ATP8B4: variants seen among roughly 807,000 people sequenced by gnomAD.
The protein encoded by ATP8B4 is probable phospholipid-transporting ATPase IM.
A neutral mutation model predicts 145.6 loss-of-function variants in ATP8B4; 133 were observed. That is an observed-to-expected ratio of 0.91 (90% CI 0.79 to 1.05). The LOEUF is 1.05. ATP8B4 is among the 50% of genes least tolerant of loss of function. The pLI, the probability that ATP8B4 is intolerant of heterozygous loss-of-function variation, is 0.00. For synonymous variants in ATP8B4, 507 were observed against 492.9 expected, an observed-to-expected ratio of 1.03 and a Z score of -0.38; for missense variants, 1,458 against 1,425.2, an observed-to-expected ratio of 1.02 and a Z score of -0.37.
At chr15:50,154,725 A>C (rs1450121614) in intron 1 of ATP8B4, among the ~76,000 whole-genome samples, 1 of 151,904 alleles carries the variant, frequency 6.6e-6, no homozygotes, top group African/African-American at 2.4e-5. Flanking sequence ...CCCAGGCTGG[A>C]GTGCAGTGAC....
chr15:50,153,342 C>CTT (rs35816153), intron 1 of ATP8B4, among the ~76,000 whole-genome samples: 1,616 of 143,710 alleles, frequency 0.011, 27 homozygotes, highest in African/African-American at 0.032. Flanking sequence ...AAAGATACAC[C>CTT]TTTTTTTTTT....
intron 12 of ATP8B4, among the ~76,000 whole-genome samples, chr15:49,979,356 T>C (rs1394495612): frequency 6.6e-6 from 1 of 152,180 alleles, no homozygotes; most frequent in Non-Finnish European, 1.5e-5. Context: ...TGAGATTATA[T>C]TGTAGTGCAT....
chr15:49,888,234 G>A lies in ATP8B4; in HGVS notation c.2698-8775C>T, dbSNP rs577876189. 2.0e-5 allele frequency among the ~76,000 whole-genome samples: 3 copies of A among 152,302 alleles called. No individual in the cohort carries two copies. In the South Asian group the frequency reaches 6.2e-4, roughly 32 times the overall value. On this transcript the variant is annotated intron_variant, in intron 23 of 27. Coordinates refer to ENST00000284509, the MANE Select transcript of ATP8B4 (RefSeq NM_024837.4). ...CCCAGAGCACATCTGGAAGGTGAGG[G>A]GGAGCAGAGCTACCATGCCAGGTGG...
intron 9 of ATP8B4, among the ~76,000 whole-genome samples, chr15:49,991,719 C>G (rs2047061614): frequency 1.3e-5 from 2 of 152,118 alleles, no homozygotes; most frequent in African/African-American, 4.8e-5. Flanking sequence ...AAACCCAACT[C>G]TCTTGTGTGC....
intron 3 of ATP8B4, among the ~76,000 whole-genome samples, chr15:50,055,119 C>T (rs2153615768): frequency 6.6e-6 from 1 of 152,228 alleles, no homozygotes; most frequent in East Asian, 1.9e-4. Flanking sequence ...AACAAGTAGC[C>T]CTAGAGATTA....
intron 12 of ATP8B4, among the ~76,000 whole-genome samples, chr15:49,974,297 TA>T (rs1411050865): frequency 2.0e-5 from 3 of 151,950 alleles, no homozygotes. Flanking sequence ...CTACTCGAAC[TA>T]CTTGAGTACT....
chr15:50,005,723 C>T (rs1404291914), intron 7 of ATP8B4, among the ~76,000 whole-genome samples: 4 of 152,228 alleles, frequency 2.6e-5, no homozygotes, highest in South Asian at 2.1e-4. Context: ...AAAATGTATG[C>T]TCTTTTCCTC....
intron 3 of ATP8B4, among the ~76,000 whole-genome samples, chr15:50,047,964 T>G (rs1240526896): frequency 6.6e-6 from 1 of 152,226 alleles, no homozygotes; most frequent in Non-Finnish European, 1.5e-5. Context: ...CGGGAATTGC[T>G]GGAATGGTCC....
chr15:49,863,448 A>T (rs1306053555), intron 26 of ATP8B4, among the ~76,000 whole-genome samples: 1 of 152,202 alleles, frequency 6.6e-6, no homozygotes, highest in Non-Finnish European at 1.5e-5. Context: ...CCATGGGAAG[A>T]TGCCAACCCT....
At position 49,924,748 on chromosome 15, in the gene ATP8B4, T is replaced by G. The variant is rs553491039; in HGVS notation, c.1643-1254A>C. 6.6e-5 allele frequency among the ~76,000 whole-genome samples: 10 copies of G among 152,308 alleles called. No individual in the cohort carries two copies. In the South Asian group the frequency reaches 2.1e-3, roughly 32 times the overall value. Reference sequence around the variant, plus strand: ...GTCTTGTCTTCTGTTTTAAGACCCTTGGTTAGCTTGCCTAATTGCCAGAAC... The same window carrying G: ...GTCTTGTCTTCTGTTTTAAGACCCTGGGTTAGCTTGCCTAATTGCCAGAAC... On this transcript the variant is annotated intron_variant, in intron 16 of 27. Transcript: ENST00000284509.
intron 2 of ATP8B4, among the ~76,000 whole-genome samples, chr15:50,102,383 T>A (rs548780332): frequency 2.2e-4 from 33 of 151,868 alleles, no homozygotes; most frequent in African/African-American, 7.2e-4. Flanking sequence ...AAGATCCAAA[T>A]AAGCTCAATT....
chr15:50,143,359 G>T (rs1035786250), intron 1 of ATP8B4, among the ~76,000 whole-genome samples: 1 of 152,204 alleles, frequency 6.6e-6, no homozygotes, highest in Non-Finnish European at 1.5e-5. Flanking sequence ...TTTCTGAATG[G>T]CTCACTCACA....
chr15:50,085,965 A>ATCATATATATT, intron 2 of ATP8B4, among the ~76,000 whole-genome samples: 1 of 88,272 alleles, frequency 1.1e-5, no homozygotes, highest in Admixed American at 1.5e-4. Flanking sequence ...ATATATATTT[A>ATCATATATATT]TATATGATAT....
chr15:50,155,505 C>A (rs1164262656), intron 1 of ATP8B4, among the ~76,000 whole-genome samples: 1 of 152,014 alleles, frequency 6.6e-6, no homozygotes, highest in Non-Finnish European at 1.5e-5. Context: ...TTTATTTTAA[C>A]AATTTTTAAA....
chr15:49,903,877 A>G (rs2038324063), intron 20 of ATP8B4, among the ~76,000 whole-genome samples: 1 of 151,016 alleles, frequency 6.6e-6, no homozygotes, highest in African/African-American at 2.4e-5. Flanking sequence ...CTGGGCAACA[A>G]GAGCAAAACT....
intron 14 of ATP8B4, among the ~76,000 whole-genome samples, chr15:49,957,431 T>C (rs1419180168): frequency 2.0e-5 from 3 of 151,654 alleles, no homozygotes; most frequent in Non-Finnish European, 4.4e-5. Context: ...CAAAAAGTAA[T>C]AACCTAAAAT....
At chr15:50,034,685 T>A (rs1353022718) in intron 6 of ATP8B4, among the ~76,000 whole-genome samples, 1 of 152,198 alleles carries the variant, frequency 6.6e-6, no homozygotes, top group Non-Finnish European at 1.5e-5. Context: ...AAGACCCTCA[T>A]TTAATTGCTC....
In ATP8B4 at chr15:49,859,434, A is replaced by AG. The variant is rs1334112342; in HGVS notation, c.*759_*760insC. On this transcript the variant is annotated 3_prime_UTR_variant, in exon 28 of 28. Coordinates refer to ENST00000284509, the MANE Select transcript of ATP8B4 (RefSeq NM_024837.4). ...TACTACTGAGGTTGTTAGAAAAGCCATTGAAAAGTATTTAGAATACTTAGT... is the reference window on the plus strand; with the variant it reads ...TACTACTGAGGTTGTTAGAAAAGCCAGTTGAAAAGTATTTAGAATACTTAGT... The AG allele has an allele frequency of 1.0e-3, 152 of 152,338 alleles. No individual in the cohort carries two copies. The highest frequency in any genetic ancestry group is 3.4e-3 in the Middle Eastern group (1 of 294). The allele number at this position is 152,338 out of a possible 1,614,324, so 9.4% of individuals were successfully genotyped here.
chr15:50,054,783 CAAAAAAAAAAAAAAAA>C (rs55783703), intron 3 of ATP8B4, among the ~76,000 whole-genome samples: 3 of 81,838 alleles, frequency 3.7e-5, no homozygotes, highest in African/African-American at 5.0e-5. Flanking sequence ...GACTCCGCCT[CAAAAAAAAAAAAAAAA>C]AAAAAAAAAA....
Sources: gnomAD v4.1 joint callset for allele counts (sites outside exome capture counted in the v4.1 genomes callset) on GRCh38, gnomAD v4.1.1 for gene constraint, MANE v1.5 for transcripts, NCBI Gene and HGNC (gene_info 2026-07-23, HGNC 2026-07-21) for gene names.